Variants in TDRKH observed in about 807,000 individuals in gnomAD.
TDRKH encodes the protein tudor and KH domain-containing protein.
A neutral mutation model predicts 61.3 loss-of-function variants in TDRKH; 28 were observed. The observed-to-expected ratio is 0.46, with a 90% CI of 0.34 to 0.63. The LOEUF is 0.63. Ranked by LOEUF, TDRKH falls within the 20% of genes least tolerant of loss-of-function variation. The pLI is 0.01. For missense variants in TDRKH, 540 were observed against 683.4 expected (o/e 0.79, Z 2.34); for synonymous variants, 219 against 244.4 (o/e 0.90, Z 0.97).
In TDRKH at chr1:151,776,505, A is replaced by T. The variant is rs1396806686; in HGVS notation, c.978T>A (p.Val326=). 1 of 1,614,208 alleles carries T rather than the reference A, an allele frequency of 6.2e-7. No individual in the cohort carries two copies. Among genetic ancestry groups the T allele is most frequent in the Non-Finnish European group, 8.5e-7 (1 of 1,180,034 alleles). ...EHPNHFWIQI[V]GSRSLQLDKL... ...TATCCAATTGCAGGCTGCGGGAGCC[A>T]ACGATCTGGATCCAGAAGTGGTTAG... The change falls in exon 7 of 13, where the codon GTT becomes GTA. Residue 326 remains valine (V), a synonymous_variant. Coordinates refer to ENST00000368824, the MANE Select transcript of TDRKH (RefSeq NM_001083965.2).
chr1:151,774,744 C>T lies in TDRKH; in HGVS notation c.1599G>A (p.Glu533=). 1 of 1,614,184 alleles carries T rather than the reference C, an allele frequency of 6.2e-7. No homozygotes were observed. The highest frequency in any genetic ancestry group is 8.5e-7 in the Non-Finnish European group (1 of 1,180,030). Residue 533 remains glutamate, a synonymous_variant, in exon 12 of 13, where the codon GAG becomes GAA. Coordinates refer to ENST00000368824, the MANE Select transcript of TDRKH (RefSeq NM_001083965.2). ...TGAGGCAGGACAGGGTATGTGTTAT[C>T]TCTCCAGAGCTCTTTTTGGTCTCAG... The part of the protein sequence containing the change: ...LLTETKKSSG[E]ITHTLSCLSL...
At position 151,776,562 on chromosome 1, in the gene TDRKH, G is replaced by A. The variant is rs1649203748; in HGVS notation, c.921C>T (p.Tyr307=). ...CAGAAGCAGAAACGTAGACTTCTAG[G>A]TACTCATCAGCATGAAAACTGAAGT... The part of the protein sequence containing the change: ...SPDFSFHADE[Y]LEVYVSASEH... Residue 307 remains tyrosine, a synonymous_variant, in exon 7 of 13, where the codon TAC becomes TAT. Transcript: ENST00000368824. 3.7e-6 allele frequency: 6 copies of A among 1,614,108 alleles called. No individual in the cohort carries two copies. Among genetic ancestry groups the A allele is most frequent in the Non-Finnish European group, 5.1e-6 (6 of 1,180,014 alleles).
downstream of TDRKH, chr1:151,767,992 G>A (rs546778019): frequency 3.5e-5 from 56 of 1,588,630 alleles, no homozygotes; most frequent in South Asian, 1.9e-4. Flanking sequence ...TTGCTTCAAC[G>A]GACACACCCC....
At chr1:151,777,414 C>G (rs923385269) in intron 6 of TDRKH, among the ~76,000 whole-genome samples, 2 of 151,970 alleles carry the variant, frequency 1.3e-5, no homozygotes, top group Non-Finnish European at 2.9e-5. Flanking sequence ...CCATTGCACT[C>G]CAGCCTGGGA....
downstream of TDRKH, chr1:151,767,188 T>C: frequency 2.5e-6 from 4 of 1,613,980 alleles, no homozygotes; most frequent in Non-Finnish European, 3.4e-6. Flanking sequence ...AGAGGAGGAC[T>C]TGACACTCCA....
rs1183987750 is a variant in TDRKH, at chr1:151,779,981, C to G, written c.391G>C (p.Val131Leu). The part of the protein sequence containing the change: ...ENTPVSEQLS[V>L]PQRSVGRIIG... ...ATTCTGCCCACAGATCTCTGGGGAACTGAAAGCTGCTCAGACACTGGGGTA... is the reference window on the plus strand; with the variant it reads ...ATTCTGCCCACAGATCTCTGGGGAAGTGAAAGCTGCTCAGACACTGGGGTA... Residue 131 changes from valine to leucine, a missense_variant, in exon 4 of 13, where the codon GTT becomes CTT. By Grantham distance (32) the Val-to-Leu change is conservative. This residue lies in a region of TDRKH where 156 missense variants were observed against 218.0 expected (regional missense o/e 0.72). Transcript: ENST00000368824. The G allele has an allele frequency of 1.2e-6, 2 of 1,613,832 alleles. No homozygotes were observed. The highest frequency in any genetic ancestry group is 3.3e-5 in the Admixed American group (2 of 60,014).
chr1:151,774,778 G>A lies in TDRKH; in HGVS notation c.1565C>T (p.Thr522Met), dbSNP rs369050845. The A allele has an allele frequency of 5.0e-6, 8 of 1,614,078 alleles. No individual in the cohort carries two copies. Among genetic ancestry groups the A allele is most frequent in the East Asian group, 4.5e-5 (2 of 44,902 alleles). ...MATETDASLS[T>M]LLTETKKSSG... ...GCTCTTTTTGGTCTCAGTGAGCAAC[G>A]TGCTGAGAGAGGCATCTGTTTCTGT... The change falls in exon 12 of 13, where the codon ACG becomes ATG. Residue 522 changes from threonine (T) to methionine (M), a missense_variant. By Grantham distance (81) the Thr-to-Met change is moderately conservative. Around this residue, in one of 3 missense-constraint regions of TDRKH, gnomAD observed 379 missense variants for 443.8 expected, o/e 0.85. Coordinates refer to ENST00000368824, the MANE Select transcript of TDRKH (RefSeq NM_001083965.2).
Position 151,773,567 on chromosome 1 carries a change from T to C in TDRKH, c.*885A>G, listed in dbSNP as rs1176082102. 2.0e-5 allele frequency: 3 copies of C among 152,708 alleles called. No individual in the cohort carries two copies. In the East Asian group the frequency reaches 5.8e-4, roughly 29 times the overall value. The allele number at this position is 152,708 out of a possible 1,614,324, so 9.5% of individuals were successfully genotyped here. A position where few individuals can be genotyped will look rare whatever the true frequency, so the allele number is the denominator to read the frequency against. On this transcript the variant is annotated 3_prime_UTR_variant, in exon 13 of 13. Coordinates refer to ENST00000368824, the MANE Select transcript of TDRKH (RefSeq NM_001083965.2). Reference sequence around the variant, plus strand: ...CAGGACTGTATACTCTTCCTCTCTCTCCACGGGTGTATATGTGTGTATACA... The same window carrying C: ...CAGGACTGTATACTCTTCCTCTCTCCCCACGGGTGTATATGTGTGTATACA...
chr1:151,767,275 C>T (rs148840917), downstream of TDRKH: 44 of 1,613,878 alleles, frequency 2.7e-5, 1 homozygote, highest in East Asian at 8.0e-4. Context: ...AGGGTAACCA[C>T]GACCAGCTTA....
At chr1:151,768,342 T>C, downstream of TDRKH, 1 of 1,450,604 alleles carries the variant, frequency 6.9e-7, no homozygotes, top group South Asian at 1.4e-5. Flanking sequence ...AAGCAATCCA[T>C]TCACCTGGCA....
At chr1:151,779,639 C>A in intron 4 of TDRKH, 1 of 381,014 alleles carries the variant, frequency 2.6e-6, no homozygotes, top group Non-Finnish European at 4.7e-6. Context: ...CCCTCTAGAG[C>A]ACTGTCTTGA....
intron 11 of TDRKH, 68 bp from the exon 12 acceptor site, chr1:151,774,874 C>T: frequency 5.2e-6 from 8 of 1,545,736 alleles, no homozygotes; most frequent in Non-Finnish European, 7.1e-6. Context: ...GCCACCCTTT[C>T]ATTCTTCTCA....
At position 151,782,759 on chromosome 1, in the gene TDRKH, G is replaced by A. The variant is rs748301231; in HGVS notation, c.124+140C>T. 7.1e-6 allele frequency: 8 copies of A among 1,123,006 alleles called. No homozygotes were observed. The African/African-American group carries it at 1.1e-4, about 16-fold the overall frequency. The allele number at this position is 1,123,006 out of a possible 1,614,324, so 69.6% of individuals were successfully genotyped here. A position where few individuals can be genotyped will look rare whatever the true frequency, so the allele number is the denominator to read the frequency against. ...TACGCCAGGCTAGGTGACAGAGTGA[G>A]ACCCTGTCTCAAAAAAACCCCACAA... On this transcript the variant is annotated intron_variant, in intron 2 of 12. Coordinates refer to ENST00000368824, the MANE Select transcript of TDRKH (RefSeq NM_001083965.2).
downstream of TDRKH, chr1:151,770,219 C>CT: frequency 6.2e-7 from 1 of 1,613,902 alleles, no homozygotes; most frequent in Non-Finnish European, 8.5e-7. Context: ...AATGTGGACT[C>CT]TGTGTTTGTG....
At chr1:151,766,859 G>GTTACAAC (rs1558130962), downstream of TDRKH, 1 of 1,612,656 alleles carries the variant, frequency 6.2e-7, no homozygotes, top group Non-Finnish European at 8.5e-7. Context: ...TCACTCTCCG[G>GTTACAAC]GAGAAGATGC....
intron 9 of TDRKH, 51 bp from the exon 10 acceptor site, chr1:151,775,594 T>C: frequency 6.4e-7 from 1 of 1,567,886 alleles, no homozygotes; most frequent in Non-Finnish European, 8.6e-7. Flanking sequence ...GCTTATACCC[T>C]GGAGGGAAGT....
chr1:151,780,567 T>C (rs1462265261), intron 3 of TDRKH, among the ~76,000 whole-genome samples: 2 of 152,142 alleles, frequency 1.3e-5, no homozygotes, highest in African/African-American at 2.4e-5. Flanking sequence ...AAAGGATAAT[T>C]TGACCAGGCG....
intron 9 of TDRKH, 46 bp from the exon 10 acceptor site, chr1:151,775,589 T>A: frequency 6.3e-7 from 1 of 1,576,872 alleles, no homozygotes; most frequent in Non-Finnish European, 8.6e-7. Context: ...GTGGGGCTTA[T>A]ACCCTGGAGG....
rs1491536697 is a variant in TDRKH, at chr1:151,781,328, A to AAAATATATATATATAT, written c.231+152_231+153insATATATATATATATTT. Among the ~76,000 whole-genome samples, 65 of 68,586 alleles carry AAAATATATATATATAT rather than the reference A, an allele frequency of 9.5e-4. 2 individuals carry two copies. In the South Asian group the frequency reaches 0.019, roughly 20 times the overall value. The allele number at this position is 68,586 out of a possible 152,430, so 45.0% of individuals were successfully genotyped here. ...GCGAAACTCCATCTCAAAAAAAAAA[A>AAAATATATATATATAT]ATATATATATATATATTTTATATAT... On this transcript the variant is annotated intron_variant, in intron 3 of 12. Coordinates refer to ENST00000368824, the MANE Select transcript of TDRKH (RefSeq NM_001083965.2).
Sources: gnomAD v4.1 joint callset for allele counts (sites outside exome capture counted in the v4.1 genomes callset) on GRCh38, gnomAD v4.1.1 for gene constraint, gnomAD v4.1.1 regional missense constraint, MANE v1.5 for transcripts, NCBI Gene and HGNC (gene_info 2026-07-23, HGNC 2026-07-21) for gene names.